Variants in COL5A1 observed in about 807,000 individuals in gnomAD.
COL5A1 encodes the protein collagen alpha-1(V) chain.
A neutral mutation model predicts 263.7 loss-of-function variants in COL5A1; 16 were observed. The observed-to-expected ratio is 0.06, with a 90% CI of 0.04 to 0.09. The LOEUF is 0.09. COL5A1 is among the 10% of genes least tolerant of loss of function. The probability of loss-of-function intolerance (pLI) is 1.00; values close to 1 mark genes in which losing one functional copy is unlikely to be tolerated. For missense variants in COL5A1, 2,036 were observed against 2,540.5 expected (o/e 0.80, Z 4.27); for synonymous variants, 1,012 against 1,004.5 (o/e 1.01, Z -0.14).
chr9:134,752,295 G>A (rs1835809648), intron 13 of COL5A1, among the ~76,000 whole-genome samples: 1 of 150,392 alleles, frequency 6.6e-6, no homozygotes, highest in Non-Finnish European at 1.5e-5. Flanking sequence ...CCCTCTCTGT[G>A]TGGGCTAGAG....
intron 4 of COL5A1, among the ~76,000 whole-genome samples, chr9:134,714,537 G>T (rs1302001095): frequency 1.3e-4 from 1 of 7,936 alleles, no homozygotes; most frequent in Non-Finnish European, 3.0e-4. Context: ...TGCTGATGAA[G>T]GTGGTGGTGG....
intron 2 of COL5A1, among the ~76,000 whole-genome samples, chr9:134,697,314 C>T (rs531279275): frequency 6.6e-6 from 1 of 152,224 alleles, no homozygotes; most frequent in South Asian, 2.1e-4. Flanking sequence ...CATAATTTAT[C>T]CTTTCGGGTT....
Position 134,820,166 on chromosome 9 carries a change from G to A in COL5A1, c.4497G>A (p.Glu1499=). ...GLIGPPGEQG[E]KGDRGLPGPQ... ...TCGGTCCTCCGGGTGAACAGGGTGA[G>A]AAGGGCGACCGTGGTCTCCCTGGCC... is the stretch of plus-strand genomic sequence containing the variant. The change falls in exon 58 of 66, where the codon GAG becomes GAA. Residue 1499 remains glutamate, a synonymous_variant. Coordinates refer to ENST00000371817, the MANE Select transcript of COL5A1 (RefSeq NM_000093.5). The A allele has an allele frequency of 6.2e-7, 1 of 1,614,036 alleles. No homozygotes were observed. Among genetic ancestry groups the A allele is most frequent in the Non-Finnish European group, 8.5e-7 (1 of 1,180,002 alleles).
intron 18 of COL5A1, among the ~76,000 whole-genome samples, chr9:134,760,469 A>C (rs1836335677): frequency 1.0e-5 from 1 of 96,330 alleles, no homozygotes; most frequent in South Asian, 3.8e-4. Context: ...ACACCCCCAC[A>C]TTCATACACA....
chr9:134,650,295 AACCGTCTTCCATTGGAAGCG>A (rs1385346969), intron 1 of COL5A1, among the ~76,000 whole-genome samples: 1 of 152,194 alleles, frequency 6.6e-6, no homozygotes, highest in East Asian at 1.9e-4. Flanking sequence ...TGAGCATCGT[AACCGTCTTCCATTGGAAGCG>A]ACCGTCTTCC....
intron 18 of COL5A1, among the ~76,000 whole-genome samples, chr9:134,760,750 AC>A (rs1836375637): frequency 7.9e-6 from 1 of 126,302 alleles, no homozygotes; most frequent in African/African-American, 3.6e-5. Context: ...ACATGCACAC[AC>A]ACCCCACACA....
chr9:134,786,793 C>T (rs61596734), intron 31 of COL5A1, among the ~76,000 whole-genome samples: 64 of 152,258 alleles, frequency 4.2e-4, no homozygotes, highest in African/African-American at 1.4e-3. Context: ...ACAGCCGAAG[C>T]GGGGTCCCGT....
chr9:134,646,365 C>T (rs763647453), intron 1 of COL5A1, among the ~76,000 whole-genome samples: 8 of 151,692 alleles, frequency 5.3e-5, no homozygotes, highest in Non-Finnish European at 1.0e-4. Context: ...ACTGGCCTTC[C>T]CTCCTTCTCT....
In COL5A1 at chr9:134,642,277, G is replaced by T. The variant is rs1183265822; in HGVS notation, c.90G>T (p.Ala30=). The change falls in exon 1 of 66, where the codon GCG becomes GCT. Residue 30 remains alanine (A), a synonymous_variant. Transcript: ENST00000371817. This position sits in a 1 kb window ranked among gnomAD's most constrained non-coding sequence, Gnocchi z 4.5. ...LPPLLLLLLW[A]PPPSRAAQPA... ...CGCTGCTGCTGCTGCTGCTGTGGGCGCCGCCTCCGAGCCGCGCAGGTAAGG... is the reference window on the plus strand; with the variant it reads ...CGCTGCTGCTGCTGCTGCTGTGGGCTCCGCCTCCGAGCCGCGCAGGTAAGG... The T allele has an allele frequency of 5.1e-6, 6 of 1,178,618 alleles. No individual in the cohort carries two copies. Among genetic ancestry groups the T allele is most frequent in the Middle Eastern group, 3.3e-4 (1 of 3,024 alleles). 73.0% of individuals were successfully genotyped at this position (1,178,618 alleles called of 1,614,324 possible).
At position 134,642,183 on chromosome 9, in the gene COL5A1, C is replaced by A; in HGVS notation, c.-5C>A. 1.6e-6 allele frequency: 2 copies of A among 1,263,146 alleles called. No homozygotes were observed. The highest frequency in any genetic ancestry group is 2.0e-6 in the Non-Finnish European group (2 of 1,007,642). The allele number at this position is 1,263,146 out of a possible 1,614,324, so 78.2% of individuals were successfully genotyped here. ...CCTGTGCGCCCCGGCCCGCGCCCCGCCGGCATGGACGTCCATACCCGCTGG... is the reference window on the plus strand; with the variant it reads ...CCTGTGCGCCCCGGCCCGCGCCCCGACGGCATGGACGTCCATACCCGCTGG... On this transcript the variant is annotated 5_prime_UTR_variant, in exon 1 of 66. Transcript: ENST00000371817. This position sits in a 1 kb window ranked among gnomAD's most constrained non-coding sequence, Gnocchi z 4.5.
At chr9:134,693,387 C>T (rs921161128) in intron 2 of COL5A1, among the ~76,000 whole-genome samples, 7 of 152,110 alleles carry the variant, frequency 4.6e-5, no homozygotes, top group African/African-American at 7.2e-5. Context: ...GAATAGTCTG[C>T]GGGATTTTTT....
At chr9:134,670,039 A>G (rs746358124) in intron 1 of COL5A1, among the ~76,000 whole-genome samples, 22 of 152,234 alleles carry the variant, frequency 1.4e-4, no homozygotes, top group Non-Finnish European at 3.2e-4. Flanking sequence ...TGCATGGTTG[A>G]ACTCATGTGC....
intron 48 of COL5A1, among the ~76,000 whole-genome samples, chr9:134,813,344 A>G (rs1261357549): frequency 6.6e-6 from 1 of 152,162 alleles, no homozygotes; most frequent in South Asian, 2.1e-4. Context: ...GTGTACATCC[A>G]TGCACTTGAG....
chr9:134,837,111 A>G (rs1446190565), intron 65 of COL5A1, among the ~76,000 whole-genome samples: 1 of 152,208 alleles, frequency 6.6e-6, no homozygotes, highest in Non-Finnish European at 1.5e-5. Context: ...GCCCTGGATG[A>G]GCAGCCAGTT....
chr9:134,720,311 C>T (rs1446294198), intron 4 of COL5A1, among the ~76,000 whole-genome samples: 1 of 152,196 alleles, frequency 6.6e-6, no homozygotes, highest in African/African-American at 2.4e-5. Context: ...AGGGGCTGCC[C>T]ACCAGCCCCT....
chr9:134,773,523 C>T lies in COL5A1; in HGVS notation c.2331+689C>T, dbSNP rs1290865661. 3.3e-5 allele frequency among the ~76,000 whole-genome samples: 5 copies of T among 152,170 alleles called. No homozygotes were observed. In the East Asian group the frequency reaches 5.8e-4, roughly 18 times the overall value. The stretch of plus-strand genomic sequence containing the variant: ...TGAAACCGCACACCGAGCTCATGGT[C>T]GTCGGGAGCCTGGGGCTGAGGGCAG... On this transcript the variant is annotated intron_variant, in intron 26 of 65. Coordinates refer to ENST00000371817, the MANE Select transcript of COL5A1 (RefSeq NM_000093.5).
chr9:134,771,620 C>T (rs937548409), intron 25 of COL5A1, among the ~76,000 whole-genome samples: 17 of 152,236 alleles, frequency 1.1e-4, no homozygotes, highest in Non-Finnish European at 1.6e-4. Context: ...ATTGAGGCAA[C>T]GAGACTTGGG....
At position 134,844,344 on chromosome 9, in the gene COL5A1, A is replaced by G. The variant is rs1213815637; in HGVS notation, c.*2041A>G. 1.3e-5 allele frequency: 2 copies of G among 151,842 alleles called. No homozygotes were observed. Among genetic ancestry groups the G allele is most frequent in the East Asian group, 1.9e-4 (1 of 5,142 alleles). 9.4% of individuals were successfully genotyped at this position (151,842 alleles called of 1,614,324 possible). ...AGCCATAGCCGAGGACTGTCCCGCG[A>G]CCCCCGTGGACTGCGTCTAGGTCAT... On this transcript the variant is annotated 3_prime_UTR_variant, in exon 66 of 66. Coordinates refer to ENST00000371817, the MANE Select transcript of COL5A1 (RefSeq NM_000093.5).
At position 134,642,998 on chromosome 9, in the gene COL5A1, C is replaced by A. The variant is rs1053014865; in HGVS notation, c.109+702C>A. On this transcript the variant is annotated intron_variant, in intron 1 of 65. Transcript: ENST00000371817. This position sits in a 1 kb window ranked among gnomAD's most constrained non-coding sequence, Gnocchi z 4.5. ...GAGAGATGGGATGCGTGGAGCAAAG[C>A]CAGAGATGGGCTTGCAGGCGGGGCT... 6.6e-6 allele frequency among the ~76,000 whole-genome samples: 1 copy of A among 152,220 alleles called. No homozygotes were observed.
Sources: gnomAD v4.1 joint callset for allele counts (sites outside exome capture counted in the v4.1 genomes callset) on GRCh38, gnomAD v4.1.1 for gene constraint, Gnocchi (gnomAD v3.1) non-coding constraint, MANE v1.5 for transcripts, NCBI Gene and HGNC (gene_info 2026-07-23, HGNC 2026-07-21) for gene names.